Variants in CGRRF1 observed in about 807,000 individuals in gnomAD.
The protein encoded by CGRRF1 is cell growth regulator with ring finger domain 1, also known as cell growth regulator with RING finger domain protein 1.
Under a neutral mutation model 37.2 loss-of-function variants are expected in CGRRF1, and 32 were observed. The observed-to-expected ratio is 0.86, with a 90% CI of 0.65 to 1.16. CGRRF1 has a LOEUF of 1.16. Ranked by LOEUF, CGRRF1 falls within the 50% of genes most tolerant of loss-of-function variation. The probability of loss-of-function intolerance (pLI) is 0.00; values close to 1 mark genes in which losing one functional copy is unlikely to be tolerated. For missense variants in CGRRF1, 391 were observed against 382.6 expected (o/e 1.02, Z -0.18); for synonymous variants, 141 against 140.3 (o/e 1.00, Z -0.04).
chr14:54,537,904 GT>G, intron 5 of CGRRF1, 75 bp downstream of exon 5: 1 of 1,531,266 alleles, frequency 6.5e-7, no homozygotes, highest in Non-Finnish European at 8.7e-7. Flanking sequence ...TTATGGAAAG[GT>G]GATTATATTT....
chr14:54,518,320 C>T (rs1010824670), intron 1 of CGRRF1, among the ~76,000 whole-genome samples: 2 of 151,998 alleles, frequency 1.3e-5, no homozygotes, highest in African/African-American at 2.4e-5. Flanking sequence ...CCGAGGTGGG[C>T]AGATCACCTG....
intron 2 of CGRRF1, among the ~76,000 whole-genome samples, chr14:54,526,443 C>T (rs539078070): frequency 3.3e-5 from 5 of 151,332 alleles, no homozygotes; most frequent in African/African-American, 1.2e-4. Context: ...GCCACTGCGC[C>T]CTGGCCATAT....
At chr14:54,520,841 A>G (rs931627172) in intron 1 of CGRRF1, among the ~76,000 whole-genome samples, 1 of 152,102 alleles carries the variant, frequency 6.6e-6, no homozygotes, top group Non-Finnish European at 1.5e-5. Flanking sequence ...TATGGGACTC[A>G]GGTATCTGTG....
At chr14:54,524,191 T>A (rs532793677) in intron 2 of CGRRF1, among the ~76,000 whole-genome samples, 2 of 152,288 alleles carry the variant, frequency 1.3e-5, no homozygotes, top group East Asian at 3.9e-4. Flanking sequence ...GCTGAGTTAA[T>A]GCTCTCTCTC....
chr14:54,511,002 A>G (rs2032120710), intron 1 of CGRRF1, among the ~76,000 whole-genome samples: 1 of 152,254 alleles, frequency 6.6e-6, no homozygotes, highest in South Asian at 2.1e-4. Flanking sequence ...GAGAATGAGC[A>G]TTTTGAAAAA....
intron 1 of CGRRF1, among the ~76,000 whole-genome samples, chr14:54,513,588 T>TGTTATGTTATGTA (rs2032165415): frequency 6.9e-6 from 1 of 145,080 alleles, no homozygotes; most frequent in Admixed American, 7.4e-5. Flanking sequence ...TATGTTATGT[T>TGTTATGTTATGTA]ATGTTATGTT....
intron 1 of CGRRF1, among the ~76,000 whole-genome samples, chr14:54,517,816 C>T (rs2032243018): frequency 6.6e-6 from 1 of 152,196 alleles, no homozygotes; most frequent in Admixed American, 6.5e-5. Context: ...GTTGTTTCCC[C>T]TCCATGTGTC....
intron 1 of CGRRF1, among the ~76,000 whole-genome samples, chr14:54,517,106 T>C (rs990718004): frequency 6.6e-6 from 1 of 152,228 alleles, no homozygotes; most frequent in Non-Finnish European, 1.5e-5. Context: ...TATATCCTTG[T>C]CTACTAATTC....
intron 4 of CGRRF1, 120 bp downstream of exon 4, chr14:54,531,170 C>A: frequency 1.3e-6 from 1 of 770,432 alleles, no homozygotes; most frequent in Non-Finnish European, 2.1e-6. Flanking sequence ...TGGCCTACAA[C>A]AACTATATAC....
chr14:54,521,569 A>G (rs1416949118), intron 1 of CGRRF1, among the ~76,000 whole-genome samples: 3 of 150,824 alleles, frequency 2.0e-5, no homozygotes, highest in Non-Finnish European at 2.9e-5. Context: ...CAGTGGCACG[A>G]TCTCGGCTCA....
chr14:54,537,578 T>G, intron 4 of CGRRF1, 144 bp from the exon 5 acceptor site: 1 of 847,418 alleles, frequency 1.2e-6, no homozygotes, highest in Non-Finnish European at 1.6e-6. Flanking sequence ...ATTTTCTAAT[T>G]TATCAGCCTT....
chr14:54,518,327 C>T (rs569320190), intron 1 of CGRRF1, among the ~76,000 whole-genome samples: 3 of 152,066 alleles, frequency 2.0e-5, no homozygotes, highest in Admixed American at 6.5e-5. Context: ...GGGCAGATCA[C>T]CTGAGGTCGG....
intron 1 of CGRRF1, among the ~76,000 whole-genome samples, chr14:54,518,034 T>G (rs2032246227): frequency 6.6e-6 from 1 of 152,198 alleles, no homozygotes; most frequent in African/African-American, 2.4e-5. Flanking sequence ...CTAATGGGCA[T>G]TTGGGTTGAT....
chr14:54,531,881 A>G (rs536837160), intron 4 of CGRRF1, among the ~76,000 whole-genome samples: 1 of 152,290 alleles, frequency 6.6e-6, no homozygotes, highest in Non-Finnish European at 1.5e-5. Flanking sequence ...CACACAATTG[A>G]CTACTTTTCT....
intron 3 of CGRRF1, chr14:54,530,545 A>T (rs912792961): frequency 4.1e-5 from 53 of 1,293,686 alleles, no homozygotes; most frequent in Non-Finnish European, 5.2e-5. Flanking sequence ...GCATTAGAAG[A>T]TGCTCTGTGG....
intron 1 of CGRRF1, among the ~76,000 whole-genome samples, chr14:54,515,945 C>A (rs920766298): frequency 1.3e-5 from 2 of 152,084 alleles, no homozygotes; most frequent in Admixed American, 1.3e-4. Context: ...GATTTAATTC[C>A]ACCATCTTGC....
chr14:54,511,358 A>G (rs958014960), intron 1 of CGRRF1, among the ~76,000 whole-genome samples: 1 of 152,234 alleles, frequency 6.6e-6, no homozygotes, highest in African/African-American at 2.4e-5. Context: ...CCAATCTTAC[A>G]CAATTGGTTA....
intron 1 of CGRRF1, among the ~76,000 whole-genome samples, chr14:54,513,356 G>T (rs2032160029): frequency 6.6e-6 from 1 of 152,194 alleles, no homozygotes; most frequent in South Asian, 2.1e-4. Context: ...ACTGTTAATG[G>T]CAGTAATGAT....
chr14:54,514,780 C>T (rs983420271), intron 1 of CGRRF1, among the ~76,000 whole-genome samples: 1 of 152,162 alleles, frequency 6.6e-6, no homozygotes, highest in African/African-American at 2.4e-5. Flanking sequence ...CAGCATTCCC[C>T]CACATTTTGA....
Sources: allele counts gnomAD v4.1 joint callset (sites outside exome capture counted in the v4.1 genomes callset), GRCh38; gene constraint gnomAD v4.1.1; transcripts MANE v1.5; gene names NCBI Gene and HGNC (gene_info 2026-07-23, HGNC 2026-07-21).